Variants in SLC4A2 observed in about 807,000 individuals in gnomAD.
SLC4A2 encodes the protein anion exchange protein 2.
Under a neutral mutation model 115.0 loss-of-function variants are expected in SLC4A2, and 36 were observed. The observed-to-expected ratio is 0.31, with a 90% confidence interval of 0.24 to 0.41. The LOEUF is 0.41. Among genes scored for constraint, SLC4A2 ranks in the 10% least tolerant of loss-of-function variants. The pLI, the probability that SLC4A2 is intolerant of heterozygous loss-of-function variation, is 1.00. For synonymous variants in SLC4A2, 708 were observed against 708.3 expected (o/e 1.00, Z 0.01); for missense variants, 1,252 against 1,705.6 (o/e 0.73, Z 4.68).
intron 12 of SLC4A2, 24 bp downstream of exon 12, chr7:151,070,935 C>A (rs767915482): frequency 2.5e-6 from 4 of 1,608,596 alleles, no homozygotes; most frequent in Non-Finnish European, 3.4e-6. Flanking sequence ...CTCCTCTGGG[C>A]CCTGCTTCCT....
Position 151,072,046 on chromosome 7 carries a change from G to A in SLC4A2, c.2445G>A (p.Leu815=), listed in dbSNP as rs1221642820. The change falls in exon 16 of 23, where the codon CTG becomes CTA. Residue 815 remains leucine, a synonymous_variant. Transcript: ENST00000413384. The part of the protein sequence containing the change: ...LLMVALEGSF[L]VRFVSRFTQE... ...TGGTGGCCCTGGAGGGGAGCTTCCT[G>A]GTCCGCTTCGTCTCCCGCTTCACCC... The A allele has an allele frequency of 3.7e-6, 6 of 1,614,076 alleles. No individual in the cohort carries two copies. Among genetic ancestry groups the A allele is most frequent in the Non-Finnish European group, 5.1e-6 (6 of 1,179,998 alleles).
At position 151,066,582 on chromosome 7, in the gene SLC4A2, A is replaced by G; in HGVS notation, c.644A>G (p.Asp215Gly). The G allele has an allele frequency of 1.3e-6, 2 of 1,547,258 alleles. No homozygotes were observed. Among genetic ancestry groups the G allele is most frequent in the Non-Finnish European group, 1.7e-6 (2 of 1,146,112 alleles). ...GCCAGTGGCACTGCAGGGGGTGACG[A>G]CGGGGGTGCCTCGGGGCGCCCCCTG... ...AVASGTAGGD[D>G]GGASGRPLPK... The change falls in exon 6 of 23, where the codon GAC (aspartate) becomes GGC (glycine). Residue 215 changes from aspartate to glycine, a missense_variant. Asp to Gly is a moderately conservative substitution (Grantham distance 94). Transcript: ENST00000413384.
chr7:151,070,396 C>T, intron 10 of SLC4A2, 50 bp downstream of exon 10: 1 of 1,611,142 alleles, frequency 6.2e-7, no homozygotes, highest in Non-Finnish European at 8.5e-7. Context: ...CTGAGGAAGC[C>T]TGGGTGTGGA....
intron 8 of SLC4A2, among the ~76,000 whole-genome samples, chr7:151,069,676 T>C (rs1797362085): frequency 6.6e-6 from 1 of 151,814 alleles, no homozygotes; most frequent in Non-Finnish European, 1.5e-5. Flanking sequence ...CTGACAGGCG[T>C]GGCCTAGATG....
At chr7:151,068,174 T>TCCACAC in intron 8 of SLC4A2, 120 bp downstream of exon 8, 1 of 695,912 alleles carries the variant, frequency 1.4e-6, no homozygotes, top group East Asian at 3.4e-5. Context: ...GGAAGCATGG[T>TCCACAC]CCACACCCAG....
At position 151,062,475 on chromosome 7, in the gene SLC4A2, A is replaced by G. The variant is rs1205021793; in HGVS notation, c.51+437A>G. On this transcript the variant is annotated intron_variant, in intron 2 of 22. Transcript: ENST00000413384. The stretch of plus-strand genomic sequence containing the variant: ...CGCCCCTCCCTGCCCCCACGTGGCC[A>G]CCGCTCCACATGGCCCCCTTTGGAT... 5.4e-6 allele frequency: 4 copies of G among 743,366 alleles called. No individual in the cohort carries two copies. The Admixed American group carries it at 2.0e-4, about 38-fold the overall frequency. 46.0% of individuals were successfully genotyped at this position (743,366 alleles called of 1,614,324 possible).
rs1797017166 is a variant in SLC4A2, at chr7:151,060,729, C to T, written c.-64+967C>T. On this transcript the variant is annotated intron_variant, in intron 1 of 22. Transcript: ENST00000413384. The surrounding 1 kb of genome is among the most constrained non-coding windows in gnomAD (Gnocchi z 5.9). ...GTGCACTCACGCTCACCCACACCAC[C>T]CGCCCTGGCTGAAGGCCTGCTGAGG... Among the ~76,000 whole-genome samples the T allele has an allele frequency of 6.6e-6, 1 of 152,192 alleles. No individual in the cohort carries two copies. Among genetic ancestry groups the T allele is most frequent in the African/African-American group, 2.4e-5 (1 of 41,446 alleles).
chr7:151,075,273 G>A lies in SLC4A2; in HGVS notation c.3066G>A (p.Lys1022=), dbSNP rs753834597. 1.1e-5 allele frequency: 18 copies of A among 1,613,236 alleles called. No individual in the cohort carries two copies. Among genetic ancestry groups the A allele is most frequent in the Non-Finnish European group, 1.5e-5 (18 of 1,180,020 alleles). Residue 1022 remains lysine, a synonymous_variant, in exon 20 of 23, where the codon AAG becomes AAA. Coordinates refer to ENST00000413384, the MANE Select transcript of SLC4A2 (RefSeq NM_003040.4). ...CTCTCAGGCTCATCATCTCCAAGAA[G>A]GAGCGCATGCTGCAGAAGGGCTCCG... The part of the protein sequence containing the change: ...TQITTLIISK[K]ERMLQKGSGF...
rs748874779 is a variant in SLC4A2 at position 151,075,498 on chromosome 7, C to T, written c.3291C>T (p.Ala1097=). The T allele has an allele frequency of 1.8e-5, 28 of 1,599,356 alleles. No homozygotes were observed. The highest frequency in any genetic ancestry group is 2.3e-5 in the Non-Finnish European group (27 of 1,179,172). Residue 1097 remains alanine, a synonymous_variant, in exon 20 of 23, where the codon GCC becomes GCT. Coordinates refer to ENST00000413384, the MANE Select transcript of SLC4A2 (RefSeq NM_003040.4). The part of the protein sequence containing the change: ...KEQRVTGLLV[A]LLVGLSIVIG... ...AGCGGGTGACGGGGCTGCTGGTTGC[C>T]CTGCTTGTGGGTACGTTGCCTCTTG... is the stretch of plus-strand genomic sequence containing the variant.
rs577938704 is a variant in SLC4A2, at chr7:151,073,993, T to G, written c.2536-46T>G. The G allele has an allele frequency of 1.8e-5, 27 of 1,518,826 alleles. No homozygotes were observed. The South Asian group carries it at 3.2e-4, about 18-fold the overall frequency. The allele number at this position is 1,518,826 out of a possible 1,614,324, so 94.1% of individuals were successfully genotyped here. A position where few individuals can be genotyped will look rare whatever the true frequency, so the allele number is the denominator to read the frequency against. On this transcript the variant is annotated intron_variant, in intron 16 of 22. Transcript: ENST00000413384. The stretch of plus-strand genomic sequence containing the variant: ...GACACTCACTGAGCCCCAGGAATCT[T>G]TTCTGCAGTCCAGCTGATGGAGGCC...
chr7:151,074,637 ACCTTAACCCTTGT>A, intron 18 of SLC4A2, 25 bp from the exon 19 acceptor site: 1 of 1,573,760 alleles, frequency 6.4e-7, no homozygotes, highest in Non-Finnish European at 8.6e-7. Context: ...CTCCACATTC[ACCTTAACCCTTGT>A]CCCTACACTG....
chr7:151,062,924 C>T (rs1797101568), intron 2 of SLC4A2: 5 of 1,400,596 alleles, frequency 3.6e-6, no homozygotes, highest in East Asian at 5.7e-5. Flanking sequence ...CAGCCCTCCC[C>T]GCGCTCTTCC....
At position 151,075,359 on chromosome 7, in the gene SLC4A2, T is replaced by C; in HGVS notation, c.3152T>C (p.Leu1051Pro). The change falls in exon 20 of 23, where the codon CTG becomes CCG. Residue 1051 changes from leucine (L) to proline (P), a missense_variant. Around this residue, in one of 14 missense-constraint regions of SLC4A2, gnomAD observed 253 missense variants for 407.4 expected, o/e 0.62. Coordinates refer to ENST00000413384, the MANE Select transcript of SLC4A2 (RefSeq NM_003040.4). ...GGCGGCATCTGTGCCCTCTTTGGCCTGCCCTGGTTGGCTGCTGCCACTGTC... is the reference window on the plus strand; with the variant it reads ...GGCGGCATCTGTGCCCTCTTTGGCCCGCCCTGGTTGGCTGCTGCCACTGTC... ...AMGGICALFGLPWLAAATVRS... is the reference protein window; with the variant it reads ...AMGGICALFGPPWLAAATVRS... The C allele has an allele frequency of 1.2e-6, 2 of 1,612,684 alleles. No individual in the cohort carries two copies. The highest frequency in any genetic ancestry group is 1.7e-6 in the Non-Finnish European group (2 of 1,180,030).
intron 16 of SLC4A2, 57 bp from the exon 17 acceptor site, chr7:151,073,982 C>A (rs1452070691): frequency 1.3e-6 from 2 of 1,510,092 alleles, no homozygotes; most frequent in African/African-American, 2.8e-5. Flanking sequence ...CTCACTGAGC[C>A]CCAGGAATCT....
At chr7:151,070,955 C>G (rs999510984) in intron 12 of SLC4A2, 44 bp downstream of exon 12, 1 of 1,602,752 alleles carries the variant, frequency 6.2e-7, no homozygotes, top group Non-Finnish European at 8.5e-7. Context: ...TGGAGCCCAT[C>G]CTAGGCCAGT....
intron 2 of SLC4A2, chr7:151,063,069 G>A (rs955782093): frequency 3.3e-6 from 5 of 1,516,246 alleles, no homozygotes; most frequent in South Asian, 1.2e-5. Flanking sequence ...GTGGGTGGGG[G>A]GCTGGACCAA....
chr7:151,070,998 C>T (rs1012423604), intron 12 of SLC4A2, 74 bp from the exon 13 acceptor site: 8 of 1,590,998 alleles, frequency 5.0e-6, no homozygotes, highest in Non-Finnish European at 4.3e-6. Flanking sequence ...CACCCACTGG[C>T]CTTGCCCACC....
At position 151,076,308 on chromosome 7, in the gene SLC4A2, C is replaced by T. The variant is rs202200955; in HGVS notation, c.3667C>T (p.Pro1223Ser). 13 of 1,549,712 alleles carry T rather than the reference C, an allele frequency of 8.4e-6. No homozygotes were observed. Among genetic ancestry groups the T allele is most frequent in the Non-Finnish European group, 1.1e-5 (13 of 1,145,484 alleles). The change falls in exon 23 of 23, where the codon CCG becomes TCG. Residue 1223 changes from proline to serine, a missense_variant. Transcript: ENST00000413384. Reference protein sequence around the residue: ...MKCLDANEAEPVFDEREGVDE... With the variant: ...MKCLDANEAESVFDEREGVDE... Reference sequence around the variant, plus strand: ...ACAGCTGGATGCTAACGAGGCAGAGCCGGTGTTTGATGAGCGGGAGGGTGT... The same window carrying T: ...ACAGCTGGATGCTAACGAGGCAGAGTCGGTGTTTGATGAGCGGGAGGGTGT...
In SLC4A2 at chr7:151,064,286, C is replaced by T. The variant is rs1179019570; in HGVS notation, c.136C>T (p.Arg46Trp). Residue 46 changes from arginine to tryptophan, a missense_variant, in exon 3 of 23, where the codon CGG (arginine) becomes TGG (tryptophan). Coordinates refer to ENST00000413384, the MANE Select transcript of SLC4A2 (RefSeq NM_003040.4). ...ACTTCACCGCACCCTGGGCGTGGAG[C>T]GGTTTGAGGAGATCCTACAGGAGGC... ...DELHRTLGVE[R>W]FEEILQEAGS... The T allele has an allele frequency of 9.3e-6, 15 of 1,606,200 alleles. No individual in the cohort carries two copies. Among genetic ancestry groups the T allele is most frequent in the African/African-American group, 2.7e-5 (2 of 73,698 alleles).
Sources: gnomAD v4.1 joint callset for allele counts (sites outside exome capture counted in the v4.1 genomes callset) on GRCh38, gnomAD v4.1.1 for gene constraint, gnomAD v4.1.1 regional missense constraint, Gnocchi (gnomAD v3.1) non-coding constraint, MANE v1.5 for transcripts, NCBI Gene and HGNC (gene_info 2026-07-23, HGNC 2026-07-21) for gene names.